TRAF2: variants seen among roughly 807,000 people sequenced by gnomAD.
TRAF2 encodes the protein TNF receptor associated factor 2, also known as TNF receptor-associated factor 2.
In TRAF2, 6 loss-of-function variants were observed where a neutral mutation model predicts 55.6. The ratio of observed to expected loss-of-function variants is 0.11; its 90% CI spans 0.06 to 0.21. TRAF2 has a LOEUF of 0.21. TRAF2 is among the 10% of genes least tolerant of loss of function. The probability of loss-of-function intolerance (pLI) is 1.00; values close to 1 mark genes in which losing one functional copy is unlikely to be tolerated. For missense variants in TRAF2, 561 were observed against 684.5 expected, an observed-to-expected ratio of 0.82 and a Z score of 2.01; for synonymous variants, 329 against 276.3, an observed-to-expected ratio of 1.19 and a Z score of -1.89.
intron 6 of TRAF2, among the ~76,000 whole-genome samples, chr9:136,912,131 C>T (rs1181430851): frequency 4.4e-5 from 6 of 136,398 alleles, no homozygotes; most frequent in East Asian, 2.3e-4. Context: ...GGATTACAGG[C>T]GTGAGCCACT....
At chr9:136,914,008 C>T (rs114799852) in intron 6 of TRAF2, among the ~76,000 whole-genome samples, 117 of 152,362 alleles carry the variant, frequency 7.7e-4, no homozygotes, top group African/African-American at 2.7e-3. Context: ...CATGGCCAAA[C>T]AGCCCAGAAG....
In TRAF2 at chr9:136,923,901, G is replaced by C. The variant is rs765171531; in HGVS notation, c.1188G>C (p.Leu396=). 17 of 1,613,792 alleles carry C rather than the reference G, an allele frequency of 1.1e-5. No homozygotes were observed. Among genetic ancestry groups the C allele is most frequent in the Non-Finnish European group, 1.4e-5 (17 of 1,179,992 alleles). ...YGYKMCLRIY[L]NGDGTGRGTH... ...ACAAGATGTGTCTGCGTATCTACCT[G>C]AACGGCGACGGCACCGGGCGAGGAA... Residue 396 remains leucine (L), a synonymous_variant, in exon 10 of 11, where the codon CTG becomes CTC. Transcript: ENST00000247668.
rs749068428 is a variant in TRAF2, at chr9:136,899,686, C to A, written c.267+14C>A. The A allele has an allele frequency of 5.6e-6, 9 of 1,608,676 alleles. No individual in the cohort carries two copies. In the East Asian group the frequency reaches 2.0e-4, roughly 36 times the overall value. ...GAAAGCAGTTCGGTAAGTAAAATGT[C>A]TTGAAGCTAAAAATGTTGAACAGAA... On this transcript the variant is annotated intron_variant, in intron 3 of 10. Coordinates refer to ENST00000247668, the MANE Select transcript of TRAF2 (RefSeq NM_021138.4).
upstream of TRAF2, among the ~76,000 whole-genome samples, chr9:136,882,259 G>A (rs571944084): frequency 1.3e-5 from 2 of 152,202 alleles, no homozygotes; most frequent in South Asian, 2.1e-4. Flanking sequence ...GAGGGCAGAC[G>A]CAGCCGCTGG....
intron 1 of TRAF2, among the ~76,000 whole-genome samples, chr9:136,897,706 G>C (rs11145926): frequency 5.4e-4 from 56 of 103,624 alleles, no homozygotes; most frequent in South Asian, 1.7e-3. Context: ...AATGCACTAG[G>C]CAGCCCCAGG....
chr9:136,920,179 GGGT>G, intron 7 of TRAF2, 52 bp from the exon 8 acceptor site: 1 of 1,531,840 alleles, frequency 6.5e-7, no homozygotes, highest in Non-Finnish European at 8.8e-7. Context: ...GGCCGTCCCC[GGGT>G]GGGAGCCGAA....
intron 6 of TRAF2, among the ~76,000 whole-genome samples, chr9:136,911,264 C>CTTTTTTTTTTTTTTTTTT (rs34077067): frequency 6.5e-5 from 8 of 122,544 alleles, no homozygotes; most frequent in African/African-American, 2.2e-4. Context: ...TCCTTCCCGT[C>CTTTTTTTTTTTTTTTTTT]TTTTTTTTTT....
chr9:136,918,254 TATATTTATTTAATTAA>T (rs1446840186), intron 7 of TRAF2, among the ~76,000 whole-genome samples: 7 of 114,270 alleles, frequency 6.1e-5, no homozygotes, highest in Non-Finnish European at 1.1e-4. Flanking sequence ...TATATATATA[TATATTTATTTAATTAA>T]TTAATTTATT....
chr9:136,904,618 A>G (rs747880363), intron 4 of TRAF2, among the ~76,000 whole-genome samples: 4 of 151,974 alleles, frequency 2.6e-5, no homozygotes, highest in Non-Finnish European at 5.9e-5. Flanking sequence ...TGTGTTAGCC[A>G]GGATGGTCTC....
At position 136,898,914 on chromosome 9, in the gene TRAF2, G is replaced by A. The variant is rs1433484435; in HGVS notation, c.174G>A (p.Leu58=). Residue 58 remains leucine (L), a synonymous_variant, in exon 2 of 11, where the codon CTG becomes CTA. Transcript: ENST00000247668. ...QCGHRYCSFC[L]ASILSSGPQN... ...GCCACCGGTACTGCTCCTTCTGCCT[G>A]GCCAGCATCCTCAGGTGCATGGGGC... The A allele has an allele frequency of 1.2e-6, 2 of 1,608,602 alleles. No homozygotes were observed. The highest frequency in any genetic ancestry group is 1.7e-6 in the Non-Finnish European group (2 of 1,178,262).
At chr9:136,895,398 T>C (rs932643626) in intron 1 of TRAF2, among the ~76,000 whole-genome samples, 1 of 152,170 alleles carries the variant, frequency 6.6e-6, no homozygotes, top group African/African-American at 2.4e-5. Flanking sequence ...AGGTGTGCAG[T>C]GTTAGGACCT....
upstream of TRAF2, chr9:136,882,034 G>A: frequency 2.0e-6 from 2 of 985,554 alleles, no homozygotes; most frequent in Non-Finnish European, 2.4e-6. Context: ...GCTATTTGAG[G>A]TGGGCACTTC....
intron 1 of TRAF2, among the ~76,000 whole-genome samples, chr9:136,889,013 C>G (rs1053551846): frequency 1.3e-5 from 2 of 151,954 alleles, no homozygotes; most frequent in South Asian, 4.1e-4. Context: ...TACAGGCACC[C>G]GCCACCACGC....
Position 136,920,261 on chromosome 9 carries a change from G to C in TRAF2, c.706G>C (p.Glu236Gln). Reference protein sequence around the residue: ...TVEGEKQQEHEVQWLREHLAM... With the variant: ...TVEGEKQQEHQVQWLREHLAM... ...AGAGGGTGAGAAACAGCAGGAGCAC[G>C]AGGTGCAGTGGCTGCGGGAGCACCT... is the stretch of plus-strand genomic sequence containing the variant. The change falls in exon 8 of 11, where the codon GAG becomes CAG. Residue 236 changes from glutamate (E) to glutamine (Q), a missense_variant. Physicochemically the swap from Glu to Gln is conservative, Grantham distance 29. Transcript: ENST00000247668. 1.2e-6 allele frequency: 2 copies of C among 1,612,644 alleles called. No homozygotes were observed. Among genetic ancestry groups the C allele is most frequent in the South Asian group, 1.1e-5 (1 of 91,056 alleles).
intron 3 of TRAF2, among the ~76,000 whole-genome samples, chr9:136,900,141 C>T (rs1198952044): frequency 6.8e-6 from 1 of 147,382 alleles, no homozygotes; most frequent in African/African-American, 2.5e-5. Flanking sequence ...TGCACTCCAA[C>T]CTGGGTTACA....
Position 136,908,144 on chromosome 9 carries a change from A to T in TRAF2, c.441A>T (p.Glu147Asp), listed in dbSNP as rs199667825. Residue 147 changes from glutamate to aspartate, a missense_variant, in exon 5 of 11, where the codon GAA becomes GAT. Coordinates refer to ENST00000247668, the MANE Select transcript of TRAF2 (RefSeq NM_021138.4). ...PACKGLVRLG[E>D]KERHLEHECP... is the part of the protein sequence containing the mutation. ...GCAAAGGCCTGGTCCGCCTTGGTGA[A>T]AAGGAGCGCCACCTGGAGCACGAGT... 251 of 1,604,756 alleles carry T rather than the reference A, an allele frequency of 1.6e-4. No homozygotes were observed. The highest frequency in any genetic ancestry group is 8.5e-4 in the Admixed American group (51 of 60,000).
Position 136,913,969 on chromosome 9 carries a change from C to G in TRAF2, c.604-2572C>G, listed in dbSNP as rs537015542. ...CCTTTGGAGGCTGACCTGTGGGGCT[C>G]GCTGGATAGGAGAAGTGGGCCTGGG... On this transcript the variant is annotated intron_variant, in intron 6 of 10. Coordinates refer to ENST00000247668, the MANE Select transcript of TRAF2 (RefSeq NM_021138.4). Among the ~76,000 whole-genome samples, 41 of 152,212 alleles carry G rather than the reference C, an allele frequency of 2.7e-4. No individual in the cohort carries two copies. In the South Asian group the frequency reaches 8.1e-3, roughly 30 times the overall value.
At chr9:136,885,749 C>T (rs1849432327), upstream of TRAF2, among the ~76,000 whole-genome samples, 1 of 151,750 alleles carries the variant, frequency 6.6e-6, no homozygotes, top group South Asian at 2.1e-4. Flanking sequence ...GCCTGGGCGA[C>T]AGAGTGAGCC....
chr9:136,910,722 C>A (rs542407615), intron 6 of TRAF2, among the ~76,000 whole-genome samples: 221 of 152,326 alleles, frequency 1.5e-3, no homozygotes, highest in African/African-American at 5.1e-3. Context: ...GGCCTGCCCG[C>A]GGGCTCAGCC....
Sources: gnomAD v4.1 joint callset for allele counts (sites outside exome capture counted in the v4.1 genomes callset) on GRCh38, gnomAD v4.1.1 for gene constraint, MANE v1.5 for transcripts, NCBI Gene and HGNC (gene_info 2026-07-23, HGNC 2026-07-21) for gene names.